The following CPSF6 variants were observed in gnomAD, a reference collection of about 807,000 sequenced individuals.
CPSF6 encodes the protein cleavage and polyadenylation specificity factor subunit 6.
CPSF6 carries 10 observed loss-of-function variants against 56.7 expected under a neutral mutation model. That is an observed-to-expected ratio of 0.18 (90% CI 0.11 to 0.30). The LOEUF is 0.30. CPSF6 is among the 10% of genes least tolerant of loss of function. The pLI is 1.00. For missense variants in CPSF6, 419 were observed against 722.9 expected (o/e 0.58, Z 4.82); for synonymous variants, 248 against 244.8 (o/e 1.01, Z -0.12).
Position 69,274,188 on chromosome 12 carries a change from A to G in CPSF6, c.*4680A>G, listed in dbSNP as rs1873396781. The G allele has an allele frequency of 7.1e-6, 1 of 141,490 alleles. No homozygotes were observed. Among genetic ancestry groups the G allele is most frequent in the African/African-American group, 2.7e-5 (1 of 37,300 alleles). The allele number at this position is 141,490 out of a possible 1,614,324, so 8.8% of individuals were successfully genotyped here. ...ATTAAAAAGCTCATTCCATTTTATT[A>G]AAATGTTTGTAATTGCAATTTTGTG... On this transcript the variant is annotated 3_prime_UTR_variant, in exon 10 of 10. Coordinates refer to ENST00000435070, the MANE Select transcript of CPSF6 (RefSeq NM_007007.3).
At chr12:69,249,504 T>C (rs563764218) in intron 1 of CPSF6, among the ~76,000 whole-genome samples, 1 of 152,164 alleles carries the variant, frequency 6.6e-6, no homozygotes, top group East Asian at 1.9e-4. Context: ...TGTATAATTC[T>C]TTAGTAAATT....
rs1873190788 is a variant in CPSF6, at chr12:69,270,437, T to A, written c.*929T>A. On this transcript the variant is annotated 3_prime_UTR_variant, in exon 10 of 10. Transcript: ENST00000435070. ...TGAAGAAATTTTGACAATTCCGATT[T>A]GATGCTGCAATTACTTGCTGTTTTT... 1 of 152,136 alleles carries A rather than the reference T, an allele frequency of 6.6e-6. No homozygotes were observed. Among genetic ancestry groups the A allele is most frequent in the Non-Finnish European group, 1.5e-5 (1 of 67,688 alleles). 9.4% of individuals were successfully genotyped at this position (152,136 alleles called of 1,614,324 possible).
intron 1 of CPSF6, among the ~76,000 whole-genome samples, chr12:69,242,605 G>A (rs1460906138): frequency 6.6e-6 from 1 of 152,094 alleles, no homozygotes; most frequent in Admixed American, 6.6e-5. Flanking sequence ...AGAGGTCTTT[G>A]GATGTCACCA....
chr12:69,248,406 G>C (rs1872026580), intron 1 of CPSF6, among the ~76,000 whole-genome samples: 1 of 152,108 alleles, frequency 6.6e-6, no homozygotes. Context: ...AATAATATTA[G>C]TAATTCTACT....
rs543492515 is a variant in CPSF6, at chr12:69,249,484, A to G, written c.61-1645A>G. Among the ~76,000 whole-genome samples, 14 of 152,090 alleles carry G rather than the reference A, an allele frequency of 9.2e-5. 1 individual carries two copies. In the South Asian group the frequency reaches 2.5e-3, roughly 27 times the overall value. ...TCCCTAAAACCATTAGCTCCTCCAT[A>G]TGTGCCATTTGTATAATTCTTTAGT... On this transcript the variant is annotated intron_variant, in intron 1 of 9. Coordinates refer to ENST00000435070, the MANE Select transcript of CPSF6 (RefSeq NM_007007.3).
rs567750228 is a variant in CPSF6, at chr12:69,242,542, G to C, written c.60+2836G>C. Among the ~76,000 whole-genome samples, 8 of 152,240 alleles carry C rather than the reference G, an allele frequency of 5.3e-5. No homozygotes were observed. In the East Asian group the frequency reaches 5.8e-4, roughly 11 times the overall value. ...GTGAACTTAAGAATGGAGAATGAAG[G>C]GGGGAGGAGGCACAAGGGACTGGCT... On this transcript the variant is annotated intron_variant, in intron 1 of 9. Transcript: ENST00000435070.
intron 8 of CPSF6, 137 bp downstream of exon 8, chr12:69,260,334 T>G (rs1565649080): frequency 3.4e-6 from 2 of 591,570 alleles, no homozygotes; most frequent in Non-Finnish European, 2.8e-6. Context: ...TTTTTTTAAC[T>G]CTAAATGTTA....
At chr12:69,249,155 G>GGT (rs1555167637) in intron 1 of CPSF6, among the ~76,000 whole-genome samples, 1 of 28,702 alleles carries the variant, frequency 3.5e-5, no homozygotes, top group African/African-American at 1.8e-4. Flanking sequence ...AGCTACTCGG[G>GGT]GGGGGGGGGG....
Position 69,257,901 on chromosome 12 carries a change from T to C in CPSF6, c.690T>C (p.Phe230=). Reference sequence around the variant, plus strand: ...GACCAGGAGGGCCACCCCCACCTTTTCCAGGTAAAACTTTTCTTAAATTAC... The same window carrying C: ...GACCAGGAGGGCCACCCCCACCTTTCCCAGGTAAAACTTTTCTTAAATTAC... The part of the protein sequence containing the change: ...PAGPGGPPPP[F]PAGQTPPRPP... The change falls in exon 5 of 10, where the codon TTT becomes TTC. Residue 230 remains phenylalanine, a synonymous_variant. Transcript: ENST00000435070. The C allele has an allele frequency of 6.3e-7, 1 of 1,594,216 alleles. No individual in the cohort carries two copies. Among genetic ancestry groups the C allele is most frequent in the Non-Finnish European group, 8.5e-7 (1 of 1,172,878 alleles).
intron 1 of CPSF6, among the ~76,000 whole-genome samples, chr12:69,247,238 T>A (rs1871957358): frequency 6.6e-6 from 1 of 152,244 alleles, no homozygotes; most frequent in Non-Finnish European, 1.5e-5. Flanking sequence ...CCATCCATTT[T>A]CTCTGGCTTG....
In CPSF6 at chr12:69,272,847, C is replaced by T. The variant is rs11615124; in HGVS notation, c.*3339C>T. The T allele has an allele frequency of 0.028, 4,386 of 157,156 alleles. 85 individuals are homozygous for T. Among genetic ancestry groups the T allele is most frequent in the Middle Eastern group, 0.049 (15 of 306 alleles). 9.7% of individuals were successfully genotyped at this position (157,156 alleles called of 1,614,324 possible). A position where few individuals can be genotyped will look rare whatever the true frequency, so the allele number is the denominator to read the frequency against. ...ATTAAGTGGGATTTTTGTAGCAAAG[C>T]ATTCTATTTTTCTGTTCTTACAGTG... On this transcript the variant is annotated 3_prime_UTR_variant, in exon 10 of 10. Transcript: ENST00000435070.
In CPSF6 at chr12:69,253,169, T is replaced by C; in HGVS notation, c.374+15T>C. The C allele has an allele frequency of 1.5e-6, 2 of 1,368,482 alleles. No individual in the cohort carries two copies. The highest frequency in any genetic ancestry group is 2.9e-5 in the African/African-American group (2 of 68,054). 84.8% of individuals were successfully genotyped at this position (1,368,482 alleles called of 1,614,324 possible). ...CAGTCAAAGGGGTAAGTTTTTTTTTTCTTTCTTTTTGATTTAGTAGCTAGT... is the reference window on the plus strand; with the variant it reads ...CAGTCAAAGGGGTAAGTTTTTTTTTCCTTTCTTTTTGATTTAGTAGCTAGT... On this transcript the variant is annotated intron_variant, in intron 3 of 9. Transcript: ENST00000435070.
intron 3 of CPSF6, among the ~76,000 whole-genome samples, chr12:69,255,981 ATG>A (rs1872492085): frequency 6.6e-6 from 1 of 152,230 alleles, no homozygotes; most frequent in South Asian, 2.1e-4. Flanking sequence ...AGCAACCCAA[ATG>A]TCCATGAACT....
At chr12:69,263,224 T>A (rs1046447464) in intron 9 of CPSF6, among the ~76,000 whole-genome samples, 4 of 152,086 alleles carry the variant, frequency 2.6e-5, no homozygotes, top group African/African-American at 9.7e-5. Flanking sequence ...CACTGATTTA[T>A]ATCTAAAAAT....
In CPSF6 at chr12:69,262,502, T is replaced by TCGTGACCGAGAC. The variant is rs776381672; in HGVS notation, c.1611_1622dup (p.Asp537_Arg540dup). ...GCAGAGAACGAGAGAGGCACCGGGA[T>TCGTGACCGAGAC]CGTGACCGAGACCGTGACCGAGAGC... is the stretch of plus-strand genomic sequence containing the variant. On this transcript the variant is annotated inframe_insertion, in exon 9 of 10. Transcript: ENST00000435070. 1.1e-5 allele frequency: 17 copies of TCGTGACCGAGAC among 1,613,852 alleles called. No homozygotes were observed. The highest frequency in any genetic ancestry group is 1.3e-5 in the Non-Finnish European group (15 of 1,179,966).
intron 1 of CPSF6, among the ~76,000 whole-genome samples, chr12:69,250,068 A>C (rs953953527): frequency 1.3e-5 from 2 of 152,156 alleles, no homozygotes; most frequent in Admixed American, 1.3e-4. Context: ...ATTGTTCTAC[A>C]TGTATTTCGT....
chr12:69,265,368 T>A (rs1460589692), intron 9 of CPSF6, among the ~76,000 whole-genome samples: 1 of 152,152 alleles, frequency 6.6e-6, no homozygotes, highest in Non-Finnish European at 1.5e-5. Flanking sequence ...ACTTAAAAGG[T>A]TACGTTCCTC....
intron 4 of CPSF6, among the ~76,000 whole-genome samples, chr12:69,257,427 T>C (rs902579994): frequency 1.3e-5 from 2 of 152,246 alleles, no homozygotes; most frequent in African/African-American, 4.8e-5. Flanking sequence ...ATTTAAATGA[T>C]GTAATACTGA....
rs965319752 is a variant in CPSF6 at position 69,244,836 on chromosome 12, A to G, written c.60+5130A>G. 5.3e-5 allele frequency among the ~76,000 whole-genome samples: 8 copies of G among 152,172 alleles called. No homozygotes were observed. The East Asian group carries it at 1.5e-3, about 29-fold the overall frequency. On this transcript the variant is annotated intron_variant, in intron 1 of 9. Transcript: ENST00000435070. ...AAGGTCTTCAGGGGCAGTATGATGC[A>G]TGGGCTGTCATCTCCTAGGATAACT...
Sources: allele counts gnomAD v4.1 joint callset (sites outside exome capture counted in the v4.1 genomes callset), GRCh38; gene constraint gnomAD v4.1.1; transcripts MANE v1.5; gene names NCBI Gene and HGNC (gene_info 2026-07-23, HGNC 2026-07-21).